Variants in TAS2R1 observed in about 807,000 individuals in gnomAD.
The protein encoded by TAS2R1 is taste 2 receptor member 1.
For missense variants in TAS2R1, 370 were observed against 353.4 expected (o/e 1.05, Z -0.38); for synonymous variants, 141 against 134.2 (o/e 1.05, Z -0.35).
the TAS2R1 span, among the ~76,000 whole-genome samples, chr5:9,845,980 A>G: frequency 6.6e-6 from 1 of 152,356 alleles, no homozygotes; most frequent in Admixed American, 6.5e-5. Flanking sequence ...ATGAAAACAT[A>G]TTATTCATAT....
At chr5:9,666,942 T>C (rs987527782) in intron 1 of TAS2R1, among the ~76,000 whole-genome samples, 2 of 151,998 alleles carry the variant, frequency 1.3e-5, no homozygotes, top group African/African-American at 2.4e-5. Context: ...AAAGTAGAGA[T>C]AGCGATATTA....
intron 2 of TAS2R1, among the ~76,000 whole-genome samples, chr5:9,644,312 G>A (rs1028804239): frequency 6.6e-6 from 1 of 152,178 alleles, no homozygotes; most frequent in Non-Finnish European, 1.5e-5. Context: ...GGCAAGGCAT[G>A]TTGTTAGCTT....
At chr5:9,796,207 A>G in the TAS2R1 span, among the ~76,000 whole-genome samples, 1 of 152,250 alleles carries the variant, frequency 6.6e-6, no homozygotes, top group Non-Finnish European at 1.5e-5. Context: ...TTTAACTCTT[A>G]CAAGACCACA....
intron 1 of TAS2R1, among the ~76,000 whole-genome samples, chr5:9,694,767 T>C (rs747735839): frequency 8.5e-5 from 13 of 152,264 alleles, no homozygotes; most frequent in Non-Finnish European, 1.5e-4. Context: ...TCTCAATTTC[T>C]TTTTATCAAA....
At chr5:9,696,300 C>T (rs1011545609) in intron 1 of TAS2R1, among the ~76,000 whole-genome samples, 1 of 152,150 alleles carries the variant, frequency 6.6e-6, no homozygotes, top group African/African-American at 2.4e-5. Flanking sequence ...TAGCTCACGC[C>T]TGTAATCCCA....
chr5:9,834,279 T>A, the TAS2R1 span, among the ~76,000 whole-genome samples: 15 of 152,222 alleles, frequency 9.9e-5, no homozygotes, highest in African/African-American at 3.6e-4. Flanking sequence ...ACATCCTGTT[T>A]CCTCGTTTAG....
Position 9,671,356 on chromosome 5 carries a change from C to T in TAS2R1, c.-241-11775G>A, listed in dbSNP as rs116818640. ...AGGAAGAGAGGAAGTCAAACTATCT[C>T]TGTTGACAGACAATATGATTTACAC... On this transcript the variant is annotated intron_variant, in intron 1 of 2. Transcript: ENST00000506620. 5.9e-3 allele frequency among the ~76,000 whole-genome samples: 901 copies of T among 152,272 alleles called. 9 individuals are homozygous for T. Among genetic ancestry groups the T allele is most frequent in the African/African-American group, 0.021 (869 of 41,566 alleles).
the TAS2R1 span, among the ~76,000 whole-genome samples, chr5:9,731,953 A>G: frequency 4.6e-5 from 7 of 152,372 alleles, no homozygotes; most frequent in East Asian, 1.4e-3. Context: ...AGTTTAAACA[A>G]TGAACCAGGC....
chr5:9,782,960 G>T, the TAS2R1 span, among the ~76,000 whole-genome samples: 2 of 152,172 alleles, frequency 1.3e-5, no homozygotes, highest in African/African-American at 4.8e-5. Context: ...GGAGGTCAAA[G>T]TCCTGGCTCT....
intron 1 of TAS2R1, among the ~76,000 whole-genome samples, chr5:9,691,103 T>G (rs1299921716): frequency 6.6e-6 from 1 of 152,148 alleles, no homozygotes. Context: ...TACTTGCAGA[T>G]GTAATTAAGT....
intron 1 of TAS2R1, among the ~76,000 whole-genome samples, chr5:9,681,343 C>A (rs1049578509): frequency 4.6e-5 from 7 of 151,498 alleles, no homozygotes; most frequent in Admixed American, 3.3e-4. Context: ...CTAAAAACAT[C>A]CTAAAAAATT....
chr5:9,791,543 A>G, the TAS2R1 span, among the ~76,000 whole-genome samples: 1 of 152,178 alleles, frequency 6.6e-6, no homozygotes, highest in Non-Finnish European at 1.5e-5. Context: ...TACTAAAAAT[A>G]CAAAAATTGG....
chr5:9,775,467 C>T, the TAS2R1 span, among the ~76,000 whole-genome samples: 1 of 151,968 alleles, frequency 6.6e-6, no homozygotes, highest in African/African-American at 2.4e-5. Flanking sequence ...GACAATGTCT[C>T]CATTACTCTT....
intron 1 of TAS2R1, among the ~76,000 whole-genome samples, chr5:9,673,108 A>G (rs1381283272): frequency 6.6e-6 from 1 of 152,170 alleles, no homozygotes; most frequent in African/African-American, 2.4e-5. Context: ...ACATGAACAC[A>G]AAGAAGGGAA....
upstream of TAS2R1, among the ~76,000 whole-genome samples, chr5:9,634,056 T>C (rs531236420): frequency 6.6e-6 from 1 of 152,292 alleles, no homozygotes; most frequent in South Asian, 2.1e-4. Flanking sequence ...TGTTATCTTC[T>C]GGAACTTTTA....
chr5:9,863,364 T>A, the TAS2R1 span, among the ~76,000 whole-genome samples: 5 of 150,744 alleles, frequency 3.3e-5, no homozygotes, highest in African/African-American at 4.9e-5. Flanking sequence ...CTCTGCCTCC[T>A]GGGTTCACGC....
the TAS2R1 span, among the ~76,000 whole-genome samples, chr5:9,786,079 A>G: frequency 6.6e-6 from 1 of 152,232 alleles, no homozygotes; most frequent in African/African-American, 2.4e-5. Flanking sequence ...CTTCAGTCAC[A>G]TATGTTACAC....
chr5:9,712,649 T>C (rs538173595), upstream of TAS2R1, among the ~76,000 whole-genome samples: 5 of 152,342 alleles, frequency 3.3e-5, no homozygotes, highest in East Asian at 5.8e-4. Context: ...ATTTCCAGCC[T>C]GCTGGCTTGT....
the TAS2R1 span, among the ~76,000 whole-genome samples, chr5:9,825,215 T>C: frequency 1.3e-5 from 2 of 152,216 alleles, no homozygotes; most frequent in Non-Finnish European, 2.9e-5. Context: ...GAGACATACC[T>C]GAGACTGCAT....
Sources: gnomAD v4.1 joint callset for allele counts (sites outside exome capture counted in the v4.1 genomes callset) on GRCh38, gnomAD v4.1.1 for gene constraint, MANE v1.5 for transcripts, NCBI Gene and HGNC (gene_info 2026-07-23, HGNC 2026-07-21) for gene names.